Variants in VSNL1 observed in about 807,000 individuals in gnomAD.
VSNL1 encodes visinin-like protein 1.
A neutral mutation model predicts 20.4 loss-of-function variants in VSNL1; 6 were observed. The observed-to-expected ratio is 0.29, with a 90% CI of 0.16 to 0.58. VSNL1 has a LOEUF of 0.58. VSNL1 is among the 20% of genes least tolerant of loss of function. The pLI is 0.90. For missense variants in VSNL1, 100 were observed against 234.5 expected (o/e 0.43, Z 3.75); for synonymous variants, 93 against 86.4 (o/e 1.08, Z -0.42).
At chr2:17,556,405 G>A (rs887369003) in intron 1 of VSNL1, among the ~76,000 whole-genome samples, 3 of 152,136 alleles carry the variant, frequency 2.0e-5, no homozygotes, top group African/African-American at 7.2e-5. Flanking sequence ...AAAGTCATTG[G>A]TAGGCAGACA....
At chr2:17,645,503 A>T (rs1665972485) in intron 2 of VSNL1, among the ~76,000 whole-genome samples, 2 of 152,162 alleles carry the variant, frequency 1.3e-5, no homozygotes, top group Admixed American at 6.5e-5. Context: ...GAAATGTGTC[A>T]CTGGAGAGAG....
At chr2:17,561,997 A>T (rs1663827425) in intron 1 of VSNL1, among the ~76,000 whole-genome samples, 1 of 152,230 alleles carries the variant, frequency 6.6e-6, no homozygotes, top group South Asian at 2.1e-4. Flanking sequence ...ACCAGCCAAC[A>T]GGGTCTGCAA....
intron 1 of VSNL1, among the ~76,000 whole-genome samples, chr2:17,559,791 C>G (rs1663771295): frequency 6.6e-6 from 1 of 151,820 alleles, no homozygotes; most frequent in African/African-American, 2.4e-5. Context: ...CCTTCCTCAT[C>G]ATAGAAAAGA....
intron 2 of VSNL1, among the ~76,000 whole-genome samples, chr2:17,605,993 C>T (rs564658923): frequency 3.3e-5 from 5 of 152,366 alleles, no homozygotes; most frequent in East Asian, 3.9e-4. Flanking sequence ...TAACTCATTT[C>T]ATCCTCATAA....
At chr2:17,601,403 A>G (rs1422397301) in intron 2 of VSNL1, among the ~76,000 whole-genome samples, 1 of 152,124 alleles carries the variant, frequency 6.6e-6, no homozygotes, top group Non-Finnish European at 1.5e-5. Context: ...TGGGAGGCCT[A>G]GGTGGGTGGA....
chr2:17,613,091 C>T (rs1665128890), intron 2 of VSNL1, among the ~76,000 whole-genome samples: 1 of 152,118 alleles, frequency 6.6e-6, no homozygotes, highest in African/African-American at 2.4e-5. Flanking sequence ...ATCACTGTTC[C>T]CATCTTCCCC....
At chr2:17,617,210 G>C (rs899596254) in intron 2 of VSNL1, among the ~76,000 whole-genome samples, 13 of 152,264 alleles carry the variant, frequency 8.5e-5, no homozygotes, top group African/African-American at 2.9e-4. Flanking sequence ...GAGAGCTTGA[G>C]AGGTCCCAGG....
rs75850254 is a variant in VSNL1, at chr2:17,544,668, A to G, written c.-6+3750A>G. Among the ~76,000 whole-genome samples, 204 of 152,332 alleles carry G rather than the reference A, an allele frequency of 1.3e-3. 3 individuals are homozygous for G. In the East Asian group the frequency reaches 0.037, roughly 28 times the overall value. On this transcript the variant is annotated intron_variant, in intron 1 of 3. Transcript: ENST00000295156. ...TGGTTTCCTAATTGATAACAGCAAT[A>G]TATTTTCACTGTTCTCAAGGTCTTT... is the stretch of plus-strand genomic sequence containing the variant.
At chr2:17,624,300 G>A (rs981448161) in intron 2 of VSNL1, among the ~76,000 whole-genome samples, 5 of 152,292 alleles carry the variant, frequency 3.3e-5, no homozygotes, top group African/African-American at 1.2e-4. Flanking sequence ...CCATGGATTC[G>A]TCACCTCATC....
chr2:17,611,523 A>G (rs937551812), intron 2 of VSNL1, among the ~76,000 whole-genome samples: 4 of 152,380 alleles, frequency 2.6e-5, no homozygotes, highest in Non-Finnish European at 4.4e-5. Context: ...GTGCACTCAC[A>G]TATGACTGCT....
At chr2:17,613,471 C>A (rs1665139414) in intron 2 of VSNL1, among the ~76,000 whole-genome samples, 1 of 152,196 alleles carries the variant, frequency 6.6e-6, no homozygotes, top group African/African-American at 2.4e-5. Context: ...TGGGCTGGAC[C>A]TCAGTTCTAG....
intron 2 of VSNL1, among the ~76,000 whole-genome samples, chr2:17,621,901 T>A (rs1204980940): frequency 6.6e-6 from 1 of 152,088 alleles, no homozygotes; most frequent in Non-Finnish European, 1.5e-5. Flanking sequence ...AGCAATGAGA[T>A]TATAGGAATG....
At chr2:17,590,121 G>T (rs1239645647) in intron 1 of VSNL1, among the ~76,000 whole-genome samples, 1 of 152,174 alleles carries the variant, frequency 6.6e-6, no homozygotes, top group Non-Finnish European at 1.5e-5. Flanking sequence ...TGATTGCTCG[G>T]TGATTGCTGA....
At chr2:17,643,797 T>C (rs1273601654) in intron 2 of VSNL1, among the ~76,000 whole-genome samples, 1 of 151,924 alleles carries the variant, frequency 6.6e-6, no homozygotes, top group Non-Finnish European at 1.5e-5. Context: ...TGGGCCAAGG[T>C]CAGCAAAGGA....
intron 3 of VSNL1, among the ~76,000 whole-genome samples, chr2:17,650,189 C>G (rs1255408672): frequency 2.0e-5 from 3 of 152,190 alleles, no homozygotes; most frequent in Non-Finnish European, 2.9e-5. Context: ...CCAGCATGCC[C>G]TCCCCTGGCC....
At position 17,655,068 on chromosome 2, in the gene VSNL1, C is replaced by T; in HGVS notation, c.379-129C>T. The stretch of plus-strand genomic sequence containing the variant: ...GAAACTTGCAGCACAAGGAGTGAAA[C>T]TCCTCTGGGGAAAGGGAAGCTGAGG... On this transcript the variant is annotated intron_variant, in intron 3 of 3. Coordinates refer to ENST00000295156, the MANE Select transcript of VSNL1 (RefSeq NM_003385.5). The surrounding 1 kb of genome is among the most constrained non-coding windows in gnomAD (Gnocchi z 5.2). 2 of 882,678 alleles carry T rather than the reference C, an allele frequency of 2.3e-6. No homozygotes were observed. The highest frequency in any genetic ancestry group is 1.7e-6 in the Non-Finnish European group (1 of 573,420). 54.7% of individuals were successfully genotyped at this position (882,678 alleles called of 1,614,324 possible).
At chr2:17,617,963 T>C (rs1665259833) in intron 2 of VSNL1, among the ~76,000 whole-genome samples, 1 of 152,098 alleles carries the variant, frequency 6.6e-6, no homozygotes, top group East Asian at 1.9e-4. Context: ...AGGTGTGGTT[T>C]CCAGTGGCAC....
At chr2:17,591,827 T>C (rs1664598500) in intron 1 of VSNL1, among the ~76,000 whole-genome samples, 1 of 152,096 alleles carries the variant, frequency 6.6e-6, no homozygotes, top group African/African-American at 2.4e-5. Flanking sequence ...CAACACCATA[T>C]GAAAGATGAC....
chr2:17,567,258 T>G (rs557249603), intron 1 of VSNL1: 2 of 152,002 alleles, frequency 1.3e-5, no homozygotes, highest in Non-Finnish European at 2.9e-5. Flanking sequence ...TTCTATAGTT[T>G]TCTCCATAAA....
Sources: allele counts gnomAD v4.1 joint callset (sites outside exome capture counted in the v4.1 genomes callset), GRCh38; gene constraint gnomAD v4.1.1; non-coding constraint Gnocchi (gnomAD v3.1); transcripts MANE v1.5; gene names NCBI Gene and HGNC (gene_info 2026-07-23, HGNC 2026-07-21).